YPEL2: variants seen among roughly 807,000 people sequenced by gnomAD.
YPEL2 encodes yippee like 2, also known as protein yippee-like 2.
Under a neutral mutation model 19.1 loss-of-function variants are expected in YPEL2, and 2 were observed. That is an observed-to-expected ratio of 0.10 (90% CI 0.04 to 0.33). The LOEUF (loss-of-function observed/expected upper bound fraction) is 0.33. Ranked by LOEUF, YPEL2 falls within the 10% of genes least tolerant of loss-of-function variation. The probability of loss-of-function intolerance (pLI) is 1.00; values close to 1 mark genes in which losing one functional copy is unlikely to be tolerated. For missense variants in YPEL2, 66 were observed against 140.7 expected, an observed-to-expected ratio of 0.47 and a Z score of 2.68; for synonymous variants, 52 against 50.0, an observed-to-expected ratio of 1.04 and a Z score of -0.17.
chr17:59,391,363 T>C (rs919630166), intron 4 of YPEL2, among the ~76,000 whole-genome samples: 5 of 152,170 alleles, frequency 3.3e-5, no homozygotes, highest in Admixed American at 1.3e-4. Flanking sequence ...ATCTCTGTAC[T>C]TTCTGCTCAA....
At chr17:59,336,059 G>A (rs1362359685) in intron 1 of YPEL2, among the ~76,000 whole-genome samples, 1 of 152,132 alleles carries the variant, frequency 6.6e-6, no homozygotes, top group African/African-American at 2.4e-5. Context: ...TCTCTGTCTT[G>A]CTTGCTGCTG....
rs1319930294 is a variant in YPEL2 at position 59,397,511 on chromosome 17, G to A, written c.*321G>A. 2 of 199,330 alleles carry A rather than the reference G, an allele frequency of 1.0e-5. No homozygotes were observed. Among genetic ancestry groups the A allele is most frequent in the Non-Finnish European group, 2.0e-5 (2 of 99,206 alleles). The allele number at this position is 199,330 out of a possible 1,614,324, so 12.3% of individuals were successfully genotyped here. On this transcript the variant is annotated 3_prime_UTR_variant, in exon 5 of 5. Coordinates refer to ENST00000312655, the MANE Select transcript of YPEL2 (RefSeq NM_001005404.4). The stretch of plus-strand genomic sequence containing the variant: ...TTGGTAAGGGCCCCAGGGCCCATGC[G>A]AGAGCTGCCTGATGGCCTCTTGTCA...
intron 2 of YPEL2, among the ~76,000 whole-genome samples, chr17:59,358,766 C>T (rs1310270089): frequency 1.3e-5 from 2 of 152,022 alleles, no homozygotes; most frequent in African/African-American, 2.4e-5. Flanking sequence ...CCCGCCTCCA[C>T]GCCCAGCTAA....
intron 4 of YPEL2, among the ~76,000 whole-genome samples, chr17:59,395,398 C>T (rs2048033706): frequency 6.6e-6 from 1 of 152,162 alleles, no homozygotes; most frequent in Admixed American, 6.5e-5. Flanking sequence ...TCTGGGGGCT[C>T]AGGGAAGGGC....
intron 4 of YPEL2, among the ~76,000 whole-genome samples, chr17:59,394,185 C>CG (rs1438124695): frequency 1.3e-5 from 2 of 151,254 alleles, no homozygotes; most frequent in Non-Finnish European, 3.0e-5. Context: ...GCTGGCCGGG[C>CG]GGGGGGCTGA....
intron 1 of YPEL2, among the ~76,000 whole-genome samples, chr17:59,337,755 G>A (rs2047707205): frequency 6.6e-6 from 1 of 152,078 alleles, no homozygotes; most frequent in Admixed American, 6.6e-5. Context: ...GGTATATACT[G>A]GGTTGGGCAT....
At chr17:59,373,973 CA>C (rs1305818810) in intron 2 of YPEL2, among the ~76,000 whole-genome samples, 6 of 152,208 alleles carry the variant, frequency 3.9e-5, no homozygotes, top group African/African-American at 1.4e-4. Context: ...TTTGAAAACA[CA>C]AGAGAAGTCT....
At chr17:59,349,202 A>G (rs961033539) in intron 1 of YPEL2, among the ~76,000 whole-genome samples, 1 of 148,180 alleles carries the variant, frequency 6.7e-6, no homozygotes. Flanking sequence ...AAAAAAATCA[A>G]TTTTCTTTCC....
Position 59,353,126 on chromosome 17 carries a change from T to A in YPEL2, c.-195-89T>A. 3.6e-6 allele frequency: 1 copy of A among 281,236 alleles called. No individual in the cohort carries two copies. The highest frequency in any genetic ancestry group is 4.8e-5 in the Admixed American group (1 of 20,852). 17.4% of individuals were successfully genotyped at this position (281,236 alleles called of 1,614,324 possible). On this transcript the variant is annotated intron_variant, in intron 1 of 4. Transcript: ENST00000312655. The surrounding 1 kb of genome is among the most constrained non-coding windows in gnomAD (Gnocchi z 4.8). ...GTCATTTGATCCTGTCAGTGTTGCC[T>A]TCTTCATGGGTGGCAGTTGGATTCT... is the stretch of plus-strand genomic sequence containing the variant.
intron 1 of YPEL2, among the ~76,000 whole-genome samples, chr17:59,335,524 T>C (rs1035589080): frequency 6.6e-6 from 1 of 152,090 alleles, no homozygotes; most frequent in African/African-American, 2.4e-5. Context: ...TTTCTACTGG[T>C]AGTAACTCTT....
chr17:59,370,037 A>T (rs2047888970), intron 2 of YPEL2, among the ~76,000 whole-genome samples: 1 of 152,216 alleles, frequency 6.6e-6, no homozygotes, highest in Non-Finnish European at 1.5e-5. Context: ...CCCAGCTAGG[A>T]AATGGCAGAA....
intron 2 of YPEL2, among the ~76,000 whole-genome samples, chr17:59,364,720 C>G (rs1283874969): frequency 1.3e-5 from 2 of 150,122 alleles, no homozygotes; most frequent in African/African-American, 4.9e-5. Flanking sequence ...CGAGTTGAAG[C>G]AATTCTCCTA....
At chr17:59,366,638 G>A (rs2047870925) in intron 2 of YPEL2, among the ~76,000 whole-genome samples, 1 of 152,232 alleles carries the variant, frequency 6.6e-6, no homozygotes, top group Admixed American at 6.5e-5. Context: ...GGGCTGCTTT[G>A]TTTACATTCC....
In YPEL2 at chr17:59,398,875, T is replaced by A. The variant is rs750795867; in HGVS notation, c.*1685T>A. On this transcript the variant is annotated 3_prime_UTR_variant, in exon 5 of 5. Transcript: ENST00000312655. Reference sequence around the variant, plus strand: ...AAGCAGCCAACAGCCCAGGAGCTTTTCAGAATAGCGTCTGCAGCAGAACCA... The same window carrying A: ...AAGCAGCCAACAGCCCAGGAGCTTTACAGAATAGCGTCTGCAGCAGAACCA... 2 of 152,186 alleles carry A rather than the reference T, an allele frequency of 1.3e-5. No individual in the cohort carries two copies. Among genetic ancestry groups the A allele is most frequent in the African/African-American group, 4.8e-5 (2 of 41,436 alleles). 9.4% of individuals were successfully genotyped at this position (152,186 alleles called of 1,614,324 possible).
In YPEL2 at chr17:59,397,227, C is replaced by T. The variant is rs377529666; in HGVS notation, c.*37C>T. 2.1e-5 allele frequency: 31 copies of T among 1,482,910 alleles called. No homozygotes were observed. Among genetic ancestry groups the T allele is most frequent in the Admixed American group, 4.0e-5 (2 of 50,380 alleles). The allele number at this position is 1,482,910 out of a possible 1,614,324, so 91.9% of individuals were successfully genotyped here. On this transcript the variant is annotated 3_prime_UTR_variant, in exon 5 of 5. Coordinates refer to ENST00000312655, the MANE Select transcript of YPEL2 (RefSeq NM_001005404.4). ...CTACCCAACCCAGTGTCCACGTGAA[C>T]GCCATTCAACCGAACATTCTTCCCA...
At chr17:59,378,224 CACTTCTGATACCTTGTG>C (rs1182328861) in intron 2 of YPEL2, among the ~76,000 whole-genome samples, 1 of 152,134 alleles carries the variant, frequency 6.6e-6, no homozygotes, top group African/African-American at 2.4e-5. Flanking sequence ...TCCCCCAAAA[CACTTCTGATACCTTGTG>C]ACTGAGACTC....
At chr17:59,347,586 C>T (rs1428716717) in intron 1 of YPEL2, among the ~76,000 whole-genome samples, 7 of 152,174 alleles carry the variant, frequency 4.6e-5, no homozygotes, top group African/African-American at 1.7e-4. Context: ...CTGTATAAGT[C>T]AGAGATGCTT....
At chr17:59,370,578 C>T (rs2047892006) in intron 2 of YPEL2, among the ~76,000 whole-genome samples, 2 of 152,180 alleles carry the variant, frequency 1.3e-5, no homozygotes, top group South Asian at 2.1e-4. Flanking sequence ...GAACCCAACA[C>T]AAGCCCTTCC....
rs150846196 is a variant in YPEL2 at position 59,354,037 on chromosome 17, C to T, written c.117+511C>T. ...AGCTGACCTTCTGGCCTGTGGGGGC[C>T]GTTAGGGCTCATACATGAGGTAATA... is the stretch of plus-strand genomic sequence containing the variant. On this transcript the variant is annotated intron_variant, in intron 2 of 4. Transcript: ENST00000312655. 254 of 214,028 alleles carry T rather than the reference C, an allele frequency of 1.2e-3. 1 individual carries two copies. The highest frequency in any genetic ancestry group is 5.1e-3 in the African/African-American group (222 of 43,162). 13.3% of individuals were successfully genotyped at this position (214,028 alleles called of 1,614,324 possible).
Sources: allele counts gnomAD v4.1 joint callset (sites outside exome capture counted in the v4.1 genomes callset), GRCh38; gene constraint gnomAD v4.1.1; non-coding constraint Gnocchi (gnomAD v3.1); transcripts MANE v1.5; gene names NCBI Gene and HGNC (gene_info 2026-07-23, HGNC 2026-07-21).